FSHR: variants seen among roughly 807,000 people sequenced by gnomAD.
The protein encoded by FSHR is follicle-stimulating hormone receptor.
A neutral mutation model predicts 52.1 loss-of-function variants in FSHR; 46 were observed. The observed-to-expected ratio is 0.88, with a 90% CI of 0.70 to 1.13. FSHR has a LOEUF of 1.13. Among genes scored for constraint, FSHR ranks in the 50% most tolerant of loss-of-function variants. FSHR has a pLI of 0.00. For missense variants in FSHR, 964 were observed against 834.6 expected (o/e 1.16, Z -1.91); for synonymous variants, 399 against 309.6 (o/e 1.29, Z -3.03).
At chr2:49,015,348 AAC>A (rs544851215) in intron 4 of FSHR, among the ~76,000 whole-genome samples, 266 of 152,320 alleles carry the variant, frequency 1.7e-3, no homozygotes, top group African/African-American at 6.1e-3. Context: ...ATAATTATTC[AAC>A]AACTTACTAG....
chr2:49,004,490 C>T (rs1009574634), intron 4 of FSHR, among the ~76,000 whole-genome samples: 4 of 152,154 alleles, frequency 2.6e-5, no homozygotes, highest in Non-Finnish European at 4.4e-5. Context: ...ATATGATGAA[C>T]TCAGGACAGG....
At chr2:48,976,836 T>C (rs554321783) in intron 8 of FSHR, among the ~76,000 whole-genome samples, 1 of 152,300 alleles carries the variant, frequency 6.6e-6, no homozygotes, top group African/African-American at 2.4e-5. Context: ...ATATCTCCTT[T>C]ATCATTTTTT....
chr2:49,048,990 G>GAAATAAAATA (rs1668758213), intron 2 of FSHR, among the ~76,000 whole-genome samples: 1 of 151,822 alleles, frequency 6.6e-6, no homozygotes, highest in Non-Finnish European at 1.5e-5. Flanking sequence ...GCTAAATGAG[G>GAAATAAAATA]AAATAAAAAT....
chr2:49,004,268 C>T (rs1474528150), intron 4 of FSHR, among the ~76,000 whole-genome samples: 1 of 152,190 alleles, frequency 6.6e-6, no homozygotes, highest in African/African-American at 2.4e-5. Flanking sequence ...ACATCTATGA[C>T]TGTCCTTTAG....
At chr2:49,025,626 T>A (rs1474089539) in intron 2 of FSHR, among the ~76,000 whole-genome samples, 1 of 152,100 alleles carries the variant, frequency 6.6e-6, no homozygotes. Context: ...CATAAAACTC[T>A]CTTTGTGGAG....
chr2:48,971,329 T>A (rs1366369933), intron 8 of FSHR, among the ~76,000 whole-genome samples: 1 of 152,234 alleles, frequency 6.6e-6, no homozygotes, highest in African/African-American at 2.4e-5. Flanking sequence ...TCATCCCTTC[T>A]CTGTCTCAGG....
chr2:49,109,950 T>C (rs949903358), intron 1 of FSHR, among the ~76,000 whole-genome samples: 1 of 151,844 alleles, frequency 6.6e-6, no homozygotes, highest in African/African-American at 2.4e-5. Flanking sequence ...AGAATGAGAG[T>C]TGGGGCTATG....
intron 1 of FSHR, among the ~76,000 whole-genome samples, chr2:49,072,062 A>G (rs1669757827): frequency 6.6e-6 from 1 of 152,190 alleles, no homozygotes; most frequent in South Asian, 2.1e-4. Flanking sequence ...CACTAAAAAC[A>G]TATTGACCAA....
At chr2:49,079,266 G>A (rs951493282) in intron 1 of FSHR, among the ~76,000 whole-genome samples, 2 of 152,102 alleles carry the variant, frequency 1.3e-5, no homozygotes, top group African/African-American at 4.8e-5. Context: ...ACATTTATAA[G>A]TGGTAAGTTT....
chr2:49,126,712 AG>A lies in FSHR; in HGVS notation c.152+27553del, dbSNP rs953218368. ...TGTATAGAGGAATAAACTGAAGCCC[AG>A]AGAATTAGATGCTTTTCTTAGGTTA... On this transcript the variant is annotated intron_variant, in intron 1 of 9. Transcript: ENST00000406846. Among the ~76,000 whole-genome samples the A allele has an allele frequency of 2.0e-4, 31 of 152,326 alleles. 1 individual carries two copies. The highest frequency in any genetic ancestry group is 6.7e-4 in the African/African-American group (28 of 41,570).
chr2:48,976,597 G>C (rs758824011), intron 8 of FSHR, among the ~76,000 whole-genome samples: 3 of 152,192 alleles, frequency 2.0e-5, no homozygotes, highest in Admixed American at 1.3e-4. Context: ...ATTTGGCTGT[G>C]AATCTGTCTG....
At chr2:49,125,824 G>T (rs1193997814) in intron 1 of FSHR, among the ~76,000 whole-genome samples, 1 of 152,214 alleles carries the variant, frequency 6.6e-6, no homozygotes, top group Non-Finnish European at 1.5e-5. Flanking sequence ...CTTGCCACTA[G>T]CTGTCGTGGT....
At chr2:49,148,181 C>G (rs993065636) in intron 1 of FSHR, among the ~76,000 whole-genome samples, 1 of 151,876 alleles carries the variant, frequency 6.6e-6, no homozygotes, top group African/African-American at 2.4e-5. Flanking sequence ...AGTATTATCA[C>G]GTAAGTCAAG....
chr2:48,962,647 G>A lies in FSHR; in HGVS notation c.*86C>T. On this transcript the variant is annotated 3_prime_UTR_variant, in exon 10 of 10. Transcript: ENST00000406846. Reference sequence around the variant, plus strand: ...AATATTAAATTAGATGAAATGTGTAGAAGCACTGTCAGCTCTTTGTGACAT... The same window carrying A: ...AATATTAAATTAGATGAAATGTGTAAAAGCACTGTCAGCTCTTTGTGACAT... 1.5e-6 allele frequency: 2 copies of A among 1,338,544 alleles called. No individual in the cohort carries two copies. The highest frequency in any genetic ancestry group is 2.1e-6 in the Non-Finnish European group (2 of 935,544). The allele number at this position is 1,338,544 out of a possible 1,614,324, so 82.9% of individuals were successfully genotyped here.
chr2:49,084,695 C>T (rs1037274551), intron 1 of FSHR, among the ~76,000 whole-genome samples: 4 of 152,080 alleles, frequency 2.6e-5, no homozygotes, highest in Admixed American at 2.0e-4. Context: ...TACAAACTAC[C>T]ATCAGAGAAT....
chr2:49,127,830 C>CTTCTTCTTCT (rs1558456676), intron 1 of FSHR, among the ~76,000 whole-genome samples: 9 of 21,050 alleles, frequency 4.3e-4, no homozygotes, highest in African/African-American at 7.0e-4. Flanking sequence ...CTTCTTCTTC[C>CTTCTTCTTCT]TCTTCTTCTT....
intron 1 of FSHR, among the ~76,000 whole-genome samples, chr2:49,070,615 T>A (rs1237564820): frequency 1.3e-5 from 2 of 152,174 alleles, no homozygotes; most frequent in African/African-American, 4.8e-5. Context: ...AATAACGAAC[T>A]CTTCTATTTA....
chr2:49,028,764 T>C (rs552120991), intron 2 of FSHR, among the ~76,000 whole-genome samples: 18 of 152,298 alleles, frequency 1.2e-4, no homozygotes, highest in African/African-American at 4.1e-4. Context: ...TAGCTGTTGG[T>C]TGGAGGTGCC....
chr2:49,049,824 A>AATATATATATATATATATATATAT (rs5831020), intron 2 of FSHR, among the ~76,000 whole-genome samples: 20 of 144,894 alleles, frequency 1.4e-4, no homozygotes, highest in African/African-American at 5.1e-4. Context: ...CCCCTACTCT[A>AATATATATATATATATATATATAT]ATATATATAT....
Sources: gnomAD v4.1 joint callset for allele counts (sites outside exome capture counted in the v4.1 genomes callset) on GRCh38, gnomAD v4.1.1 for gene constraint, MANE v1.5 for transcripts, NCBI Gene and HGNC (gene_info 2026-07-23, HGNC 2026-07-21) for gene names.